The following CNTN4 variants were observed in gnomAD, a reference collection of about 807,000 sequenced individuals.
The protein encoded by CNTN4 is contactin-4.
CNTN4 carries 77 observed loss-of-function variants against 122.5 expected under a neutral mutation model. The observed-to-expected ratio is 0.63, with a 90% CI of 0.52 to 0.76. CNTN4 has a LOEUF of 0.76. Among genes scored for constraint, CNTN4 ranks in the 30% least tolerant of loss-of-function variants. The pLI is 0.00. For missense variants in CNTN4, 1,256 were observed against 1,259.1 expected (o/e 1.00, Z 0.04); for synonymous variants, 512 against 447.0 (o/e 1.15, Z -1.83).
rs370184525 is a variant in CNTN4, at chr3:2,509,116, C to T, written c.-88-62300C>T. 9.2e-5 allele frequency among the ~76,000 whole-genome samples: 14 copies of T among 152,282 alleles called. No individual in the cohort carries two copies. The East Asian group carries it at 1.7e-3, about 19-fold the overall frequency. ...GAACTTAAAACCAATTAAACTATTT[C>T]GGCTGTACCACTGAATAAACACTTT... On this transcript the variant is annotated intron_variant, in intron 3 of 24. Coordinates refer to ENST00000418658, the MANE Select transcript of CNTN4 (RefSeq NM_175607.3).
In CNTN4 at chr3:2,249,053, C is replaced by T. The variant is rs114327361; in HGVS notation, c.-144-90125C>T. 3.5e-3 allele frequency among the ~76,000 whole-genome samples: 534 copies of T among 151,956 alleles called. 3 individuals carry two copies. The highest frequency in any genetic ancestry group is 4.7e-3 in the Non-Finnish European group (318 of 67,878). On this transcript the variant is annotated intron_variant, in intron 2 of 24. Transcript: ENST00000418658. Reference sequence around the variant, plus strand: ...GATGAATTACCTTAAAAAATTGTACCCTGACCTCATTACTATACATTACAT... The same window carrying T: ...GATGAATTACCTTAAAAAATTGTACTCTGACCTCATTACTATACATTACAT...
intron 3 of CNTN4, among the ~76,000 whole-genome samples, chr3:2,390,073 A>G (rs1326582950): frequency 6.6e-6 from 1 of 152,158 alleles, no homozygotes; most frequent in Non-Finnish European, 1.5e-5. Context: ...TAATAATACT[A>G]TATACATGTT....
At chr3:2,659,561 G>C (rs989287193) in intron 4 of CNTN4, among the ~76,000 whole-genome samples, 22 of 151,858 alleles carry the variant, frequency 1.4e-4, no homozygotes, top group African/African-American at 5.1e-4. Context: ...TCTGCAGTGA[G>C]GTTTTTGTTC....
chr3:2,323,282 T>C (rs920129430), intron 2 of CNTN4, among the ~76,000 whole-genome samples: 6 of 152,030 alleles, frequency 3.9e-5, no homozygotes, highest in African/African-American at 1.4e-4. Flanking sequence ...GCACAAACTC[T>C]AAATGGCCAG....
intron 4 of CNTN4, among the ~76,000 whole-genome samples, chr3:2,675,530 A>T (rs2084795086): frequency 1.3e-5 from 2 of 151,968 alleles, no homozygotes; most frequent in Admixed American, 1.3e-4. Flanking sequence ...TTATGTTTCC[A>T]TTTATTGTCT....
At chr3:2,517,566 T>A (rs181790543) in intron 3 of CNTN4, among the ~76,000 whole-genome samples, 69 of 152,314 alleles carry the variant, frequency 4.5e-4, no homozygotes, top group Non-Finnish European at 9.8e-4. Flanking sequence ...AATGACTTCT[T>A]GAAATCCTTT....
rs2093365210 is a variant in CNTN4 at position 2,841,724 on chromosome 3, G to C, written c.454+22143G>C. On this transcript the variant is annotated intron_variant, in intron 7 of 24. Transcript: ENST00000418658. The surrounding 1 kb of genome is among the most constrained non-coding windows in gnomAD (Gnocchi z 4.8). ...AGGTTGAAAGTAGCTGTGCCTTGAAGTTATTAAAAATATGTTTCACTCATG... is the reference window on the plus strand; with the variant it reads ...AGGTTGAAAGTAGCTGTGCCTTGAACTTATTAAAAATATGTTTCACTCATG... Among the ~76,000 whole-genome samples, 1 of 152,172 alleles carries C rather than the reference G, an allele frequency of 6.6e-6. No individual in the cohort carries two copies. Among genetic ancestry groups the C allele is most frequent in the African/African-American group, 2.4e-5 (1 of 41,436 alleles).
chr3:2,389,567 T>C (rs887098107), intron 3 of CNTN4, among the ~76,000 whole-genome samples: 15 of 152,356 alleles, frequency 9.8e-5, no homozygotes, highest in African/African-American at 3.6e-4. Flanking sequence ...TCCTCCTTCA[T>C]TCCTCTTTCC....
chr3:3,011,659 G>T (rs1210898266), intron 14 of CNTN4, among the ~76,000 whole-genome samples: 1 of 152,172 alleles, frequency 6.6e-6, no homozygotes, highest in African/African-American at 2.4e-5. Context: ...TTTGTTACCA[G>T]TTTTAGTAGC....
At chr3:2,640,441 A>G (rs930255208) in intron 4 of CNTN4, among the ~76,000 whole-genome samples, 1 of 152,210 alleles carries the variant, frequency 6.6e-6, no homozygotes, top group Non-Finnish European at 1.5e-5. Context: ...ACCAGGGATT[A>G]TATACTGAGG....
At chr3:2,273,925 A>G (rs547153940) in intron 2 of CNTN4, among the ~76,000 whole-genome samples, 1 of 152,334 alleles carries the variant, frequency 6.6e-6, no homozygotes, top group South Asian at 2.1e-4. Context: ...TTCGCTTAAT[A>G]GAGGTTAGCA....
chr3:2,490,921 A>G (rs1264099712), intron 3 of CNTN4, among the ~76,000 whole-genome samples: 4 of 152,174 alleles, frequency 2.6e-5, no homozygotes, highest in South Asian at 2.1e-4. Flanking sequence ...AGATGCTGTT[A>G]TTCAGGCCTC....
intron 4 of CNTN4, among the ~76,000 whole-genome samples, chr3:2,593,092 AT>A (rs1196295101): frequency 6.6e-6 from 1 of 152,198 alleles, no homozygotes; most frequent in Non-Finnish European, 1.5e-5. Context: ...CACATGTTGG[AT>A]TTTCCCAACT....
chr3:2,301,911 A>G (rs1219544979), intron 2 of CNTN4, among the ~76,000 whole-genome samples: 1 of 152,250 alleles, frequency 6.6e-6, no homozygotes, highest in Non-Finnish European at 1.5e-5. Flanking sequence ...GAAATCAGCA[A>G]TAACATCAAG....
intron 3 of CNTN4, among the ~76,000 whole-genome samples, chr3:2,492,023 A>G (rs1406958136): frequency 6.6e-6 from 1 of 152,094 alleles, no homozygotes; most frequent in Non-Finnish European, 1.5e-5. Context: ...TTTAGACTAT[A>G]TCACATTGTT....
chr3:2,910,441 C>G (rs2094287735), intron 12 of CNTN4, among the ~76,000 whole-genome samples: 1 of 152,276 alleles, frequency 6.6e-6, no homozygotes, highest in Middle Eastern at 3.4e-3. Flanking sequence ...CAATAAATTT[C>G]TCATAAAATG....
intron 13 of CNTN4, among the ~76,000 whole-genome samples, chr3:2,954,866 A>G (rs7612126): frequency 0.026 from 4,022 of 152,128 alleles, 156 homozygotes; most frequent in African/African-American, 0.088. Flanking sequence ...TTGTTCTCTA[A>G]TCATTTTCTC....
intron 23 of CNTN4, among the ~76,000 whole-genome samples, chr3:3,051,499 A>G (rs977511071): frequency 6.6e-6 from 1 of 152,196 alleles, no homozygotes; most frequent in Admixed American, 6.5e-5. Flanking sequence ...CCAGAGGTAA[A>G]TCAAAGCAGC....
At chr3:2,809,479 G>T (rs1487263133) in intron 6 of CNTN4, among the ~76,000 whole-genome samples, 1 of 152,184 alleles carries the variant, frequency 6.6e-6, no homozygotes, top group Non-Finnish European at 1.5e-5. Flanking sequence ...ACGTAGGCAG[G>T]GGCTGGATCC....
Sources: allele counts gnomAD v4.1 joint callset (sites outside exome capture counted in the v4.1 genomes callset), GRCh38; gene constraint gnomAD v4.1.1; non-coding constraint Gnocchi (gnomAD v3.1); transcripts MANE v1.5; gene names NCBI Gene and HGNC (gene_info 2026-07-23, HGNC 2026-07-21).